The following DISP3 variants were observed in gnomAD, a reference collection of about 807,000 sequenced individuals.
The protein encoded by DISP3 is dispatched RND transporter family member 3.
Under a neutral mutation model 135.3 loss-of-function variants are expected in DISP3, and 101 were observed. That is an observed-to-expected ratio of 0.75 (90% CI 0.64 to 0.88). The LOEUF (loss-of-function observed/expected upper bound fraction) is 0.88, where lower values mean the gene tolerates loss of function less well. Ranked by LOEUF, DISP3 falls within the 40% of genes least tolerant of loss-of-function variation. The pLI is 0.00. For missense variants in DISP3, 1,713 were observed against 1,878.6 expected, an observed-to-expected ratio of 0.91 and a Z score of 1.63; for synonymous variants, 856 against 817.0, an observed-to-expected ratio of 1.05 and a Z score of -0.81.
chr1:11,515,523 A>G lies in DISP3; in HGVS notation c.1588+20A>G. 1.3e-6 allele frequency: 2 copies of G among 1,580,004 alleles called. No individual in the cohort carries two copies. The highest frequency in any genetic ancestry group is 1.7e-6 in the Non-Finnish European group (2 of 1,163,746). ...GCATTGGTGAGTCGCCTCTGTTGTCATGGCAGTGCGCCTCCCACATGGGAA... is the reference window on the plus strand; with the variant it reads ...GCATTGGTGAGTCGCCTCTGTTGTCGTGGCAGTGCGCCTCCCACATGGGAA... On this transcript the variant is annotated intron_variant, in intron 5 of 20. Transcript: ENST00000294484.
Position 11,535,282 on chromosome 1 carries a change from G to T in DISP3, c.3649+158G>T, listed in dbSNP as rs187775304. On this transcript the variant is annotated intron_variant, in intron 19 of 20. Transcript: ENST00000294484. ...CTCTCCTGCATGTCTGTGCTCCTGA[G>T]CAGAGCCGGGGTACCCAGGTAGTAG... Among the ~76,000 whole-genome samples, 360 of 152,270 alleles carry T rather than the reference G, an allele frequency of 2.4e-3. 2 individuals are homozygous for T. The highest frequency in any genetic ancestry group is 8.3e-3 in the African/African-American group (343 of 41,538).
In DISP3 at chr1:11,536,681, C is replaced by T. The variant is rs1175132463; in HGVS notation, c.4174C>T (p.Leu1392=). The change falls in exon 21 of 21, where the codon CTA becomes TTA. Residue 1392 remains leucine, a synonymous_variant. Transcript: ENST00000294484. This position sits in a 1 kb window ranked among gnomAD's most constrained non-coding sequence, Gnocchi z 4.3. ...GATTCCCCTGCCCGCAGGGGCCTCC[C>T]TATAGCCCGGGACGGGCTCTGGACA... ...YKIPLPAGAS[L] The T allele has an allele frequency of 6.4e-7, 1 of 1,564,458 alleles. No individual in the cohort carries two copies. The highest frequency in any genetic ancestry group is 8.6e-7 in the Non-Finnish European group (1 of 1,156,144).
chr1:11,488,246 G>A (rs549933781), intron 1 of DISP3, among the ~76,000 whole-genome samples: 1 of 152,316 alleles, frequency 6.6e-6, no homozygotes, highest in Admixed American at 6.5e-5. Flanking sequence ...CAGCCCTAGA[G>A]GCTGAGCACC....
intron 10 of DISP3, among the ~76,000 whole-genome samples, chr1:11,523,681 G>C (rs1045693335): frequency 2.0e-5 from 3 of 151,686 alleles, no homozygotes. Context: ...GGCACAGAGA[G>C]GGCGAGCAGG....
chr1:11,505,757 T>C (rs1446292885), intron 3 of DISP3, among the ~76,000 whole-genome samples: 1 of 152,262 alleles, frequency 6.6e-6, no homozygotes, highest in Non-Finnish European at 1.5e-5. Context: ...TGCATTTTAA[T>C]TCTTAATACA....
At chr1:11,490,456 ACGGGGTTTCATCATGTT>A (rs1438700370) in intron 1 of DISP3, among the ~76,000 whole-genome samples, 2 of 151,960 alleles carry the variant, frequency 1.3e-5, no homozygotes, top group African/African-American at 4.8e-5. Context: ...TTTAGTAGAA[ACGGGGTTTCATCATGTT>A]GGCCAGGCTG....
intron 1 of DISP3, among the ~76,000 whole-genome samples, chr1:11,488,169 C>G (rs1370897923): frequency 6.6e-6 from 1 of 152,104 alleles, no homozygotes; most frequent in African/African-American, 2.4e-5. Context: ...CTGAGCCTCC[C>G]AAGCATTTTA....
At chr1:11,500,040 G>A (rs1472171840) in intron 1 of DISP3, among the ~76,000 whole-genome samples, 1 of 152,252 alleles carries the variant, frequency 6.6e-6, no homozygotes, top group African/African-American at 2.4e-5. Flanking sequence ...CACCCCGCTG[G>A]AGTCCTCGGG....
chr1:11,526,068 C>T (rs1474258669), intron 12 of DISP3, among the ~76,000 whole-genome samples: 1 of 152,216 alleles, frequency 6.6e-6, no homozygotes, highest in Non-Finnish European at 1.5e-5. Flanking sequence ...TCCATGGTGA[C>T]AGGGACACGC....
Position 11,518,770 on chromosome 1 carries a change from CTG to C in DISP3, c.1890-578_1890-577del, listed in dbSNP as rs1172581033. On this transcript the variant is annotated intron_variant, in intron 7 of 20. Coordinates refer to ENST00000294484, the MANE Select transcript of DISP3 (RefSeq NM_020780.2). ...GCAGCACTGTGATACCTGGGTTCAT[CTG>C]TGTGTGAGTCCCATGAGGATTAAGT... Among the ~76,000 whole-genome samples the C allele has an allele frequency of 2.0e-5, 3 of 152,210 alleles. No homozygotes were observed. In the South Asian group the frequency reaches 6.2e-4, roughly 32 times the overall value.
intron 1 of DISP3, among the ~76,000 whole-genome samples, chr1:11,481,052 C>CTT (rs1490656306): frequency 7.9e-6 from 1 of 126,918 alleles, no homozygotes; most frequent in Non-Finnish European, 1.6e-5. Context: ...CTCTCTCTCT[C>CTT]TCTCTCTCTC....
Position 11,520,026 on chromosome 1 carries a change from G to A in DISP3, c.2200+146G>A, listed in dbSNP as rs1009539255. The A allele has an allele frequency of 4.1e-5, 32 of 777,592 alleles. No individual in the cohort carries two copies. The Admixed American group carries it at 9.3e-4, about 23-fold the overall frequency. 48.2% of individuals were successfully genotyped at this position (777,592 alleles called of 1,614,324 possible). A position where few individuals can be genotyped will look rare whatever the true frequency, so the allele number is the denominator to read the frequency against. On this transcript the variant is annotated intron_variant, in intron 9 of 20. Coordinates refer to ENST00000294484, the MANE Select transcript of DISP3 (RefSeq NM_020780.2). The surrounding 1 kb of genome is among the most constrained non-coding windows in gnomAD (Gnocchi z 4.8). ...CCCTCTCTGACCCCCCCTCTTTCCT[G>A]TGCAGAATGAAGCCGGTCATGGCGG...
chr1:11,535,207 G>A, intron 19 of DISP3, 83 bp downstream of exon 19: 6 of 1,329,776 alleles, frequency 4.5e-6, no homozygotes, highest in Non-Finnish European at 6.2e-6. Context: ...GTAGCCTCCA[G>A]GCCTCTGAAC....
intron 3 of DISP3, among the ~76,000 whole-genome samples, chr1:11,511,138 A>G (rs1471512107): frequency 1.3e-5 from 2 of 152,202 alleles, no homozygotes; most frequent in East Asian, 3.9e-4. Context: ...GATTTAGGTC[A>G]GGACACAGCC....
At position 11,520,019 on chromosome 1, in the gene DISP3, C is replaced by G. The variant is rs77428630; in HGVS notation, c.2200+139C>G. On this transcript the variant is annotated intron_variant, in intron 9 of 20. Transcript: ENST00000294484. The surrounding 1 kb of genome is among the most constrained non-coding windows in gnomAD (Gnocchi z 4.8). The stretch of plus-strand genomic sequence containing the variant: ...GGTCTCTCCCTCTCTGACCCCCCCT[C>G]TTTCCTGTGCAGAATGAAGCCGGTC... 3.2e-3 allele frequency: 2,545 copies of G among 799,696 alleles called. 43 individuals are homozygous for G. In the African/African-American group the frequency reaches 0.038, roughly 12 times the overall value. The allele number at this position is 799,696 out of a possible 1,614,324, so 49.5% of individuals were successfully genotyped here.
At chr1:11,530,414 G>A (rs1472124726) in intron 15 of DISP3, among the ~76,000 whole-genome samples, 1 of 152,192 alleles carries the variant, frequency 6.6e-6, no homozygotes, top group Non-Finnish European at 1.5e-5. Flanking sequence ...TTCCTAGGAG[G>A]AAGGACAGGT....
chr1:11,523,622 G>A lies in DISP3; in HGVS notation c.2363-320G>A, dbSNP rs1327320429. 1.4e-4 allele frequency among the ~76,000 whole-genome samples: 19 copies of A among 137,680 alleles called. 3 individuals are homozygous for A. Among genetic ancestry groups the A allele is most frequent in the South Asian group, 2.5e-4 (1 of 3,968 alleles). The allele number at this position is 137,680 out of a possible 152,430, so 90.3% of individuals were successfully genotyped here. ...GCAGGGGGCAGAGTGGCACAGAGAC[G>A]GCGAGCAGGGGGCAGAGTGGCACAG... On this transcript the variant is annotated intron_variant, in intron 10 of 20. Coordinates refer to ENST00000294484, the MANE Select transcript of DISP3 (RefSeq NM_020780.2).
intron 1 of DISP3, among the ~76,000 whole-genome samples, chr1:11,486,462 C>A (rs1049414502): frequency 6.6e-6 from 1 of 152,108 alleles, no homozygotes; most frequent in South Asian, 2.1e-4. Context: ...CTAGTAGCTG[C>A]TGTGGGTTCC....
At position 11,491,538 on chromosome 1, in the gene DISP3, G is replaced by A. The variant is rs558261731; in HGVS notation, c.-3-9452G>A. Among the ~76,000 whole-genome samples, 29 of 152,248 alleles carry A rather than the reference G, an allele frequency of 1.9e-4. No individual in the cohort carries two copies. In the East Asian group the frequency reaches 5.2e-3, roughly 27 times the overall value. On this transcript the variant is annotated intron_variant, in intron 1 of 20. Coordinates refer to ENST00000294484, the MANE Select transcript of DISP3 (RefSeq NM_020780.2). The surrounding 1 kb of genome is among the most constrained non-coding windows in gnomAD (Gnocchi z 4.3). ...AGCGGGGAGGACCACTCGAGCCCGG[G>A]AGGTCGAGGCTGCAGTGAACCATCA... is the stretch of plus-strand genomic sequence containing the variant.
Sources: allele counts gnomAD v4.1 joint callset (sites outside exome capture counted in the v4.1 genomes callset), GRCh38; gene constraint gnomAD v4.1.1; non-coding constraint Gnocchi (gnomAD v3.1); transcripts MANE v1.5; gene names NCBI Gene and HGNC (gene_info 2026-07-23, HGNC 2026-07-21).